Variants in NIPAL2 observed in about 807,000 individuals in gnomAD.
The protein encoded by NIPAL2 is NIPA-like protein 2.
A neutral mutation model predicts 48.9 loss-of-function variants in NIPAL2; 43 were observed. That is an observed-to-expected ratio of 0.88 (90% CI 0.69 to 1.13). The LOEUF is 1.13. Ranked by LOEUF, NIPAL2 falls within the 50% of genes most tolerant of loss-of-function variation. The pLI, the probability that NIPAL2 is intolerant of heterozygous loss-of-function variation, is 0.00. For synonymous variants in NIPAL2, 167 were observed against 174.6 expected (o/e 0.96, Z 0.34); for missense variants, 446 against 461.4 (o/e 0.97, Z 0.31).
chr8:98,205,293 G>T, intron 6 of NIPAL2, 47 bp from the exon 7 acceptor site: 1 of 1,528,214 alleles, frequency 6.5e-7, no homozygotes, highest in South Asian at 1.2e-5. Context: ...ATTTCAGATT[G>T]AATTAACAAA....
chr8:98,198,539 G>A (rs1810660087), intron 8 of NIPAL2, among the ~76,000 whole-genome samples: 1 of 152,198 alleles, frequency 6.6e-6, no homozygotes, highest in Admixed American at 6.5e-5. Context: ...CTAATAGAAG[G>A]TGGTTTTGTC....
rs1368041535 is a variant in NIPAL2 at position 98,191,778 on chromosome 8, A to G, written c.*1200T>C. 1 of 152,194 alleles carries G rather than the reference A, an allele frequency of 6.6e-6. No individual in the cohort carries two copies. Among genetic ancestry groups the G allele is most frequent in the Non-Finnish European group, 1.5e-5 (1 of 68,038 alleles). The allele number at this position is 152,194 out of a possible 1,614,324, so 9.4% of individuals were successfully genotyped here. Reference sequence around the variant, plus strand: ...GATATTATTATGGATTCTACCTGCAAATGTGTCTTAGCAGATATGTGATGA... The same window carrying G: ...GATATTATTATGGATTCTACCTGCAGATGTGTCTTAGCAGATATGTGATGA... On this transcript the variant is annotated 3_prime_UTR_variant, in exon 11 of 11. Transcript: ENST00000430223.
intron 1 of NIPAL2, among the ~76,000 whole-genome samples, chr8:98,284,347 G>A (rs1816028635): frequency 6.6e-6 from 1 of 151,876 alleles, no homozygotes; most frequent in Admixed American, 6.6e-5. Flanking sequence ...GTTATATAAG[G>A]AAGGTGACTT....
chr8:98,256,021 A>T (rs1813870758), intron 1 of NIPAL2, among the ~76,000 whole-genome samples: 1 of 146,796 alleles, frequency 6.8e-6, no homozygotes, highest in Non-Finnish European at 1.5e-5. Context: ...TTAAAAACTT[A>T]TTTTTTTTTT....
intron 1 of NIPAL2, among the ~76,000 whole-genome samples, chr8:98,290,749 T>G (rs573548925): frequency 4.6e-4 from 70 of 152,296 alleles, no homozygotes; most frequent in African/African-American, 1.4e-3. Context: ...AAAAAATCTT[T>G]AAAAATGCAT....
chr8:98,281,345 G>C (rs1815819381), intron 1 of NIPAL2, among the ~76,000 whole-genome samples: 1 of 152,034 alleles, frequency 6.6e-6, no homozygotes, highest in South Asian at 2.1e-4. Flanking sequence ...TGCTGGGAAG[G>C]GTACTGGGGT....
At chr8:98,212,580 G>A in intron 5 of NIPAL2, 79 bp from the exon 6 acceptor site, 1 of 755,524 alleles carries the variant, frequency 1.3e-6, no homozygotes, top group Non-Finnish European at 2.2e-6. Context: ...TTTTGATTTT[G>A]CAGCAATTCT....
At chr8:98,239,865 TGAC>T (rs1315424886) in intron 3 of NIPAL2, among the ~76,000 whole-genome samples, 65 of 152,344 alleles carry the variant, frequency 4.3e-4, no homozygotes, top group African/African-American at 1.5e-3. Context: ...GCTAATAACA[TGAC>T]TTTTAAGTAG....
At position 98,192,762 on chromosome 8, in the gene NIPAL2, G is replaced by C. The variant is rs578232317; in HGVS notation, c.*216C>G. 5.2e-6 allele frequency: 3 copies of C among 575,802 alleles called. No homozygotes were observed. The highest frequency in any genetic ancestry group is 6.2e-6 in the Non-Finnish European group (2 of 323,150). The allele number at this position is 575,802 out of a possible 1,614,324, so 35.7% of individuals were successfully genotyped here. Reference sequence around the variant, plus strand: ...GATAATCACTAGGGAGAGGTCCAGGGTGTGGGGAACACTCCAAATCACATT... The same window carrying C: ...GATAATCACTAGGGAGAGGTCCAGGCTGTGGGGAACACTCCAAATCACATT... On this transcript the variant is annotated 3_prime_UTR_variant, in exon 11 of 11. Transcript: ENST00000430223.
intron 1 of NIPAL2, among the ~76,000 whole-genome samples, chr8:98,284,158 A>G (rs114418826): frequency 2.0e-4 from 31 of 152,168 alleles, no homozygotes; most frequent in African/African-American, 5.8e-4. Flanking sequence ...TGACACCCAC[A>G]CGATTCACTG....
chr8:98,257,178 A>G (rs1048906036), intron 1 of NIPAL2, among the ~76,000 whole-genome samples: 4 of 152,208 alleles, frequency 2.6e-5, no homozygotes, highest in Non-Finnish European at 5.9e-5. Flanking sequence ...ATTAGGGCAC[A>G]GCTGACCAGC....
chr8:98,196,629 C>T (rs553168169), intron 8 of NIPAL2, among the ~76,000 whole-genome samples: 4 of 152,360 alleles, frequency 2.6e-5, no homozygotes, highest in Non-Finnish European at 5.9e-5. Context: ...AACTTTGCTT[C>T]TCTCCGTCTT....
intron 6 of NIPAL2, among the ~76,000 whole-genome samples, chr8:98,210,728 C>T (rs910880813): frequency 6.6e-6 from 1 of 152,154 alleles, no homozygotes; most frequent in African/African-American, 2.4e-5. Flanking sequence ...TTTGCATTTT[C>T]TGCAGATTTT....
intron 1 of NIPAL2, among the ~76,000 whole-genome samples, chr8:98,256,639 A>G (rs968254552): frequency 1.3e-5 from 2 of 151,776 alleles, no homozygotes; most frequent in African/African-American, 4.8e-5. Context: ...ATTAAAAAAA[A>G]AAAGAGAAAA....
rs893570710 is a variant in NIPAL2, at chr8:98,239,665, T to C, written c.377-3451A>G. On this transcript the variant is annotated intron_variant, in intron 3 of 10. Transcript: ENST00000430223. ...TTCAGCCAATAACATTTTTTTTCTGTTTTAAGAGAACTTGAGATTTTCTAC... is the reference window on the plus strand; with the variant it reads ...TTCAGCCAATAACATTTTTTTTCTGCTTTAAGAGAACTTGAGATTTTCTAC... Among the ~76,000 whole-genome samples the C allele has an allele frequency of 2.6e-5, 4 of 152,184 alleles. No homozygotes were observed. In the East Asian group the frequency reaches 7.7e-4, roughly 29 times the overall value.
chr8:98,242,037 G>A lies in NIPAL2; in HGVS notation c.377-5823C>T, dbSNP rs140531578. Among the ~76,000 whole-genome samples, 586 of 152,074 alleles carry A rather than the reference G, an allele frequency of 3.9e-3. 16 individuals are homozygous for A. The highest frequency in any genetic ancestry group is 0.033 in the Admixed American group (497 of 15,258). ...ACCATTGGTATACCATGGCATAAAA[G>A]GCAAAAGGTAATGTACCATTGATAA... On this transcript the variant is annotated intron_variant, in intron 3 of 10. Transcript: ENST00000430223.
rs540452353 is a variant in NIPAL2 at position 98,275,077 on chromosome 8, A to T, written c.135+18926T>A. Among the ~76,000 whole-genome samples the T allele has an allele frequency of 3.2e-3, 488 of 152,256 alleles. 1 individual carries two copies. Among genetic ancestry groups the T allele is most frequent in the African/African-American group, 0.011 (455 of 41,566 alleles). On this transcript the variant is annotated intron_variant, in intron 1 of 10. Coordinates refer to ENST00000430223, the MANE Select transcript of NIPAL2 (RefSeq NM_001321635.2). ...CCTCTAACTGCCCTCCCTAAATGTT[A>T]ACATCTTACACAACTACAGTAAAAT...
chr8:98,271,571 T>C (rs936596590), intron 1 of NIPAL2, among the ~76,000 whole-genome samples: 1 of 152,232 alleles, frequency 6.6e-6, no homozygotes, highest in Admixed American at 6.5e-5. Flanking sequence ...TGAAGTCATT[T>C]ATCAGGTCAA....
chr8:98,229,663 C>T (rs1213668696), intron 4 of NIPAL2, among the ~76,000 whole-genome samples: 1 of 152,178 alleles, frequency 6.6e-6, no homozygotes, highest in Non-Finnish European at 1.5e-5. Context: ...CACGTGTGAG[C>T]CACTATGCCC....
Sources: allele counts gnomAD v4.1 joint callset (sites outside exome capture counted in the v4.1 genomes callset), GRCh38; gene constraint gnomAD v4.1.1; transcripts MANE v1.5; gene names NCBI Gene and HGNC (gene_info 2026-07-23, HGNC 2026-07-21).